Variants in RBM6 observed in about 807,000 individuals in gnomAD.
RBM6 encodes the protein RNA binding motif protein 6, also known as RNA-binding protein 6.
A neutral mutation model predicts 140.4 loss-of-function variants in RBM6; 23 were observed. That is an observed-to-expected ratio of 0.16 (90% CI 0.12 to 0.23). The LOEUF (loss-of-function observed/expected upper bound fraction) is 0.23, where lower values mean the gene tolerates loss of function less well. Ranked by LOEUF, RBM6 falls within the 10% of genes least tolerant of loss-of-function variation. RBM6 has a pLI of 1.00. For missense variants in RBM6, 1,139 were observed against 1,386.7 expected (o/e 0.82, Z 2.84); for synonymous variants, 439 against 475.6 (o/e 0.92, Z 1.00).
At chr3:49,982,262 C>CTTTTTTTTTTTTTTTTTTTTTTTT (rs751604271) in intron 5 of RBM6, among the ~76,000 whole-genome samples, 2 of 68,426 alleles carry the variant, frequency 2.9e-5, no homozygotes, top group African/African-American at 1.2e-4. Flanking sequence ...CTTTTCTTTT[C>CTTTTTTTTTTTTTTTTTTTTTTTT]TTTTTTTTTT....
At chr3:50,019,681 T>C (rs2087376990) in intron 6 of RBM6, among the ~76,000 whole-genome samples, 1 of 152,136 alleles carries the variant, frequency 6.6e-6, no homozygotes, top group Non-Finnish European at 1.5e-5. Context: ...GAATACATCC[T>C]TGTCTTGTTC....
chr3:49,946,255 T>C (rs2108570025), intron 1 of RBM6, among the ~76,000 whole-genome samples: 1 of 152,224 alleles, frequency 6.6e-6, no homozygotes. Flanking sequence ...CTTTTTTTTT[T>C]TTGGAGACAG....
In RBM6 at chr3:49,968,297, A is replaced by C. The variant is rs2084603389; in HGVS notation, c.872A>C (p.Asn291Thr). The C allele has an allele frequency of 6.2e-7, 1 of 1,613,982 alleles. No homozygotes were observed. Among genetic ancestry groups the C allele is most frequent in the African/African-American group, 1.3e-5 (1 of 74,874 alleles). ...KDREMPPVDP[N>T]ILDYIQPSTQ... ...AGGGAGATGCCCCCTGTGGATCCAA[A>C]TATTTTGGATTACATTCAGCCCTCT... The change falls in exon 3 of 21, where the codon AAT (asparagine) becomes ACT (threonine). Residue 291 changes from asparagine (N) to threonine (T), a missense_variant. Coordinates refer to ENST00000266022, the MANE Select transcript of RBM6 (RefSeq NM_005777.3).
At chr3:50,076,125 T>A (rs953650549) in intron 20 of RBM6, among the ~76,000 whole-genome samples, 3 of 151,840 alleles carry the variant, frequency 2.0e-5, no homozygotes, top group Admixed American at 6.6e-5. Flanking sequence ...CATACCACCA[T>A]ACCCAGCTAA....
chr3:50,012,899 C>T (rs764384352), intron 6 of RBM6, among the ~76,000 whole-genome samples: 1 of 151,970 alleles, frequency 6.6e-6, no homozygotes. Flanking sequence ...TGCGCCACCA[C>T]GCCTGGCTAA....
intron 7 of RBM6, among the ~76,000 whole-genome samples, chr3:50,052,205 C>T (rs923789977): frequency 1.3e-5 from 2 of 152,202 alleles, no homozygotes; most frequent in Non-Finnish European, 2.9e-5. Context: ...GCTGGGATTA[C>T]AGGCGTGTGC....
At chr3:50,005,495 C>CA (rs35202304) in intron 6 of RBM6, among the ~76,000 whole-genome samples, 40,294 of 101,112 alleles carry the variant, frequency 0.4, 6,291 homozygotes, top group Middle Eastern at 0.51. Context: ...GATCCTGCCT[C>CA]AAAAAAAAAA....
At chr3:50,023,410 A>T (rs114512230) in intron 6 of RBM6, among the ~76,000 whole-genome samples, 48 of 152,094 alleles carry the variant, frequency 3.2e-4, no homozygotes, top group African/African-American at 9.9e-4. Context: ...GGTTCAAGCT[A>T]TTCTCCTGTT....
At chr3:50,048,425 C>G in intron 7 of RBM6, 106 bp downstream of exon 7, 1 of 1,505,344 alleles carries the variant, frequency 6.6e-7, no homozygotes, top group Non-Finnish European at 8.9e-7. Context: ...GGACAAAGCT[C>G]TTCTTCCTCA....
chr3:50,049,845 ACTT>A (rs1477988409), intron 7 of RBM6, among the ~76,000 whole-genome samples: 9 of 148,552 alleles, frequency 6.1e-5, no homozygotes, highest in East Asian at 3.9e-4. Context: ...ACTTCCTAGA[ACTT>A]CTTTTTTTTT....
intron 7 of RBM6, among the ~76,000 whole-genome samples, chr3:50,052,986 GGTGTGTGT>G (rs57244510): frequency 0.047 from 6,300 of 134,616 alleles, 305 homozygotes; most frequent in African/African-American, 0.12. Context: ...AGTGGGCAGG[GGTGTGTGT>G]GTGTGTGTGT....
At chr3:49,979,077 A>G (rs1009700589) in intron 5 of RBM6, among the ~76,000 whole-genome samples, 2 of 152,236 alleles carry the variant, frequency 1.3e-5, no homozygotes, top group African/African-American at 2.4e-5. Context: ...AACTAGACTC[A>G]TAAGGATATA....
At chr3:50,004,806 G>T (rs1368735002) in intron 6 of RBM6, among the ~76,000 whole-genome samples, 1 of 151,838 alleles carries the variant, frequency 6.6e-6, no homozygotes, top group Non-Finnish European at 1.5e-5. Flanking sequence ...AACAAACTCT[G>T]TTCGTAAAGA....
intron 6 of RBM6, among the ~76,000 whole-genome samples, chr3:50,017,291 C>G (rs1247248539): frequency 1.3e-5 from 2 of 152,206 alleles, no homozygotes; most frequent in Admixed American, 6.5e-5. Flanking sequence ...GGCACAGTGG[C>G]TCACGCCTGT....
At chr3:50,021,174 A>G (rs560789616) in intron 6 of RBM6, among the ~76,000 whole-genome samples, 62 of 152,312 alleles carry the variant, frequency 4.1e-4, no homozygotes, top group African/African-American at 8.4e-4. Flanking sequence ...GCTGGATGAA[A>G]TAGTCTACAA....
intron 6 of RBM6, among the ~76,000 whole-genome samples, chr3:50,032,470 G>A (rs1280086971): frequency 7.3e-6 from 1 of 137,144 alleles, no homozygotes; most frequent in Non-Finnish European, 1.5e-5. Flanking sequence ...GCAACAGGGC[G>A]AGACTCCATC....
At chr3:50,040,471 A>T (rs9847468) in intron 6 of RBM6, among the ~76,000 whole-genome samples, 2,942 of 32,172 alleles carry the variant, frequency 0.091, 34 homozygotes, top group Non-Finnish European at 0.13. Flanking sequence ...AAAAAAAAAA[A>T]ATATATATAT....
chr3:50,034,490 G>A (rs556345685), intron 6 of RBM6, among the ~76,000 whole-genome samples: 6 of 152,152 alleles, frequency 3.9e-5, no homozygotes, highest in East Asian at 3.9e-4. Context: ...GGCCAGGTGC[G>A]GTGGCTCACG....
At chr3:49,950,481 C>T (rs62262102) in intron 1 of RBM6, among the ~76,000 whole-genome samples, 1 of 152,050 alleles carries the variant, frequency 6.6e-6, no homozygotes, top group African/African-American at 2.4e-5. Context: ...CAAGGCCAGG[C>T]GTGGTGACTC....
Sources: allele counts gnomAD v4.1 joint callset (sites outside exome capture counted in the v4.1 genomes callset), GRCh38; gene constraint gnomAD v4.1.1; transcripts MANE v1.5; gene names NCBI Gene and HGNC (gene_info 2026-07-23, HGNC 2026-07-21).